GSR: variants seen among roughly 807,000 people sequenced by gnomAD.
GSR encodes the protein glutathione-disulfide reductase, also known as glutathione reductase, mitochondrial.
A neutral mutation model predicts 56.5 loss-of-function variants in GSR; 48 were observed. The ratio of observed to expected loss-of-function variants is 0.85; its 90% CI spans 0.67 to 1.08. GSR has a LOEUF of 1.08. Among genes scored for constraint, GSR ranks in the 50% least tolerant of loss-of-function variants. GSR has a pLI of 0.00. For synonymous variants in GSR, 264 were observed against 270.8 expected, an observed-to-expected ratio of 0.97 and a Z score of 0.25; for missense variants, 694 against 703.3, an observed-to-expected ratio of 0.99 and a Z score of 0.15.
chr8:30,717,907 C>T (rs902556402), intron 1 of GSR, among the ~76,000 whole-genome samples: 4 of 152,008 alleles, frequency 2.6e-5, no homozygotes, highest in African/African-American at 7.2e-5. Context: ...CAAGACCAGC[C>T]TGGCCAACAT....
At chr8:30,688,589 A>AAG in intron 9 of GSR, among the ~76,000 whole-genome samples, 1 of 148,670 alleles carries the variant, frequency 6.7e-6, no homozygotes, top group East Asian at 2.0e-4. Flanking sequence ...AAAAAAAAAA[A>AAG]AAAAAAAAAG....
chr8:30,727,362 TC>T (rs1804767106), intron 1 of GSR, among the ~76,000 whole-genome samples, 167 bp downstream of exon 1: 3 of 152,080 alleles, frequency 2.0e-5, no homozygotes, highest in African/African-American at 7.2e-5. Flanking sequence ...GACGCCTCTC[TC>T]TCCTCCACCT....
Position 30,710,714 on chromosome 8 carries a change from C to CAAA in GSR, c.334-815_334-813dup, listed in dbSNP as rs60532553. 9.2e-4 allele frequency among the ~76,000 whole-genome samples: 47 copies of CAAA among 50,992 alleles called. 1 individual carries two copies. The highest frequency in any genetic ancestry group is 3.0e-3 in the African/African-American group (45 of 15,172). 33.5% of individuals were successfully genotyped at this position (50,992 alleles called of 152,430 possible). ...CCTGGGCAAGAGTGAGACTCTGTCT[C>CAAA]AAAAAAAAAAAAAAAAAAAAAAAAA... is the stretch of plus-strand genomic sequence containing the variant. On this transcript the variant is annotated intron_variant, in intron 2 of 12. Coordinates refer to ENST00000221130, the MANE Select transcript of GSR (RefSeq NM_000637.5).
chr8:30,711,592 G>C (rs1350606684), intron 2 of GSR, among the ~76,000 whole-genome samples: 1 of 152,168 alleles, frequency 6.6e-6, no homozygotes, highest in Admixed American at 6.6e-5. Flanking sequence ...AGCATTTTGG[G>C]AGGCTGAGGT....
At position 30,689,449 on chromosome 8, in the gene GSR, G is replaced by C. The variant is rs2253409; in HGVS notation, c.883-130C>G. Reference sequence around the variant, plus strand: ...ATCCCTACTGAATCCCACATACAAAGATAGACATAAACTTTTACCCAAAGG... The same window carrying C: ...ATCCCTACTGAATCCCACATACAAACATAGACATAAACTTTTACCCAAAGG... On this transcript the variant is annotated intron_variant, in intron 8 of 12. Coordinates refer to ENST00000221130, the MANE Select transcript of GSR (RefSeq NM_000637.5). 0.77 allele frequency: 615,053 copies of C among 798,170 alleles called. 238,298 individuals carry two copies. Among genetic ancestry groups the C allele is most frequent in the East Asian group, 0.88 (34,304 of 39,048 alleles). The allele number at this position is 798,170 out of a possible 1,614,324, so 49.4% of individuals were successfully genotyped here.
chr8:30,715,136 A>G lies in GSR; in HGVS notation c.307-3048T>C, dbSNP rs368669369. The stretch of plus-strand genomic sequence containing the variant: ...CCCCATCTCTGTAAAAAAATAAAAA[A>G]TAAAAAATTAGTTGGGTTTGGTGGT... On this transcript the variant is annotated intron_variant, in intron 1 of 12. Coordinates refer to ENST00000221130, the MANE Select transcript of GSR (RefSeq NM_000637.5). 7.2e-5 allele frequency among the ~76,000 whole-genome samples: 11 copies of G among 152,164 alleles called. No homozygotes were observed. The South Asian group carries it at 2.3e-3, about 32-fold the overall frequency.
At position 30,691,098 on chromosome 8, in the gene GSR, C is replaced by T. The variant is rs561483385; in HGVS notation, c.883-1779G>A. Among the ~76,000 whole-genome samples the T allele has an allele frequency of 9.2e-5, 14 of 151,568 alleles. No individual in the cohort carries two copies. In the South Asian group the frequency reaches 1.0e-3, roughly 11 times the overall value. On this transcript the variant is annotated intron_variant, in intron 8 of 12. Transcript: ENST00000221130. The stretch of plus-strand genomic sequence containing the variant: ...GAAAGATAGAGGCCAGGCATGGTGG[C>T]TCATGCCTGTAATCCCAGCACTTTG...
chr8:30,692,702 A>G (rs568511741), intron 8 of GSR, among the ~76,000 whole-genome samples: 71 of 151,604 alleles, frequency 4.7e-4, no homozygotes, highest in Non-Finnish European at 8.7e-4. Context: ...GGGTTTCACC[A>G]TGTTGGCCAG....
Position 30,689,295 on chromosome 8 carries a change from A to G in GSR, c.907T>C (p.Ser303Pro), listed in dbSNP as rs1303461733. The change falls in exon 9 of 13, where the codon TCG becomes CCG. Residue 303 changes from serine to proline, a missense_variant. By Grantham distance (74) the Ser-to-Pro change is moderately conservative. Coordinates refer to ENST00000221130, the MANE Select transcript of GSR (RefSeq NM_000637.5). ...GTAACCATGCTGACTTCCAAGCCCG[A>G]CAAAGTCTTTTTAACCTCCTTGACC... ...SQVKEVKKTL[S>P]GLEVSMVTAV... 3.1e-6 allele frequency: 5 copies of G among 1,614,032 alleles called. No individual in the cohort carries two copies. The African/African-American group carries it at 6.7e-5, about 22-fold the overall frequency.
At chr8:30,703,914 G>C (rs570133028) in intron 4 of GSR, among the ~76,000 whole-genome samples, 227 of 152,108 alleles carry the variant, frequency 1.5e-3, no homozygotes, top group African/African-American at 4.5e-3. Flanking sequence ...TGCTAACTTG[G>C]GCCAAAACCC....
At chr8:30,721,658 G>A (rs1372750096) in intron 1 of GSR, among the ~76,000 whole-genome samples, 1 of 147,200 alleles carries the variant, frequency 6.8e-6, no homozygotes. Context: ...GTGTCAAGAA[G>A]AAAAAAAAAA....
At chr8:30,714,493 G>T (rs1318670286) in intron 1 of GSR, among the ~76,000 whole-genome samples, 1 of 150,608 alleles carries the variant, frequency 6.6e-6, no homozygotes, top group South Asian at 2.1e-4. Flanking sequence ...GAGCCATCAC[G>T]CCTGGATATA....
chr8:30,701,376 G>T (rs2955990), intron 5 of GSR, among the ~76,000 whole-genome samples: 3 of 152,190 alleles, frequency 2.0e-5, no homozygotes, highest in Non-Finnish European at 2.9e-5. Flanking sequence ...TGGGGCAGGA[G>T]AATTGCTTGA....
chr8:30,716,491 C>A (rs7827120), intron 1 of GSR, among the ~76,000 whole-genome samples: 3,854 of 152,274 alleles, frequency 0.025, 159 homozygotes, highest in African/African-American at 0.088. Context: ...ATGACTTCAG[C>A]GCCTCTGACT....
chr8:30,699,987 C>G (rs1803672815), intron 6 of GSR, 94 bp downstream of exon 6: 1 of 868,694 alleles, frequency 1.2e-6, no homozygotes, highest in African/African-American at 1.6e-5. Context: ...TCAGGAAAGG[C>G]CTACATTAAA....
At chr8:30,692,359 G>A (rs1803412701) in intron 8 of GSR, among the ~76,000 whole-genome samples, 1 of 151,078 alleles carries the variant, frequency 6.6e-6, no homozygotes, top group Admixed American at 6.6e-5. Flanking sequence ...ACCACGCCCA[G>A]CTAATTTTGT....
chr8:30,703,211 T>G lies in GSR; in HGVS notation c.522A>C (p.Ala174=). 1.2e-6 allele frequency: 2 copies of G among 1,614,102 alleles called. No homozygotes were observed. Among genetic ancestry groups the G allele is most frequent in the Non-Finnish European group, 1.7e-6 (2 of 1,179,960 alleles). The part of the protein sequence containing the change: ...KSHIEIIRGH[A]AFTSDPKPTI... ...TGGGCTTGGGATCACTCGTGAAGGC[T>G]GCATGGCCACGGATGATTTCTATAT... Residue 174 remains alanine (A), a synonymous_variant, in exon 5 of 13, where the codon GCA becomes GCC. Transcript: ENST00000221130.
intron 5 of GSR, among the ~76,000 whole-genome samples, 176 bp downstream of exon 5, chr8:30,702,917 G>A (rs1481553468): frequency 6.6e-6 from 1 of 152,170 alleles, no homozygotes. Context: ...CAGCCTGGGC[G>A]ACTGCATCAC....
intron 4 of GSR, among the ~76,000 whole-genome samples, chr8:30,703,531 G>C (rs1364675905): frequency 1.3e-5 from 2 of 152,222 alleles, no homozygotes; most frequent in East Asian, 1.9e-4. Context: ...TGGATAGCTT[G>C]AGCTCAGGAG....
Sources: allele counts gnomAD v4.1 joint callset (sites outside exome capture counted in the v4.1 genomes callset), GRCh38; gene constraint gnomAD v4.1.1; transcripts MANE v1.5; gene names NCBI Gene and HGNC (gene_info 2026-07-23, HGNC 2026-07-21).